Variants in KSR2 observed in about 807,000 individuals in gnomAD.
KSR2 encodes the protein kinase suppressor of ras 2.
KSR2 carries 25 observed loss-of-function variants against 107.8 expected under a neutral mutation model. The ratio of observed to expected loss-of-function variants is 0.23; its 90% CI spans 0.17 to 0.32. The LOEUF (loss-of-function observed/expected upper bound fraction) is 0.32. Among genes scored for constraint, KSR2 ranks in the 10% least tolerant of loss-of-function variants. The pLI, the probability that KSR2 is intolerant of heterozygous loss-of-function variation, is 1.00. For synonymous variants in KSR2, 480 were observed against 507.0 expected (o/e 0.95, Z 0.71); for missense variants, 887 against 1,268.9 (o/e 0.70, Z 4.57).
At chr12:117,769,673 C>G (rs563539150) in intron 3 of KSR2, among the ~76,000 whole-genome samples, 1 of 152,314 alleles carries the variant, frequency 6.6e-6, no homozygotes, top group East Asian at 1.9e-4. Flanking sequence ...AGTGTAAAAC[C>G]ATCTGTTTCA....
intron 1 of KSR2, among the ~76,000 whole-genome samples, chr12:117,867,197 T>C (rs952992488): frequency 2.6e-5 from 4 of 152,034 alleles, no homozygotes; most frequent in African/African-American, 7.2e-5. Context: ...GTGCCTGTGG[T>C]CCCAGATACT....
At chr12:117,584,208 G>T (rs1879859252) in intron 5 of KSR2, among the ~76,000 whole-genome samples, 1 of 152,132 alleles carries the variant, frequency 6.6e-6, no homozygotes, top group Non-Finnish European at 1.5e-5. Flanking sequence ...AAAACTAAAT[G>T]TCATCAACCT....
intron 1 of KSR2, among the ~76,000 whole-genome samples, chr12:117,964,000 C>T (rs561588199): frequency 6.6e-6 from 1 of 152,298 alleles, no homozygotes; most frequent in African/African-American, 2.4e-5. Flanking sequence ...CAGGAGAAAT[C>T]CTTGGGCCGG....
chr12:117,486,973 T>C (rs868707687), intron 14 of KSR2, among the ~76,000 whole-genome samples: 1 of 152,216 alleles, frequency 6.6e-6, no homozygotes, highest in Non-Finnish European at 1.5e-5. Context: ...ATCTGTCATT[T>C]AGTGGCTGTG....
At chr12:117,546,437 T>C (rs545193125) in intron 9 of KSR2, among the ~76,000 whole-genome samples, 2 of 152,366 alleles carry the variant, frequency 1.3e-5, no homozygotes, top group South Asian at 4.1e-4. Flanking sequence ...TGACATATCC[T>C]AGCATGGATT....
chr12:117,653,217 C>A (rs150995876), intron 5 of KSR2, among the ~76,000 whole-genome samples: 2 of 152,228 alleles, frequency 1.3e-5, no homozygotes, highest in Admixed American at 1.3e-4. Context: ...CAAGTGGTAA[C>A]TCCAACTGCA....
chr12:117,628,104 A>T (rs1882617261), intron 5 of KSR2, among the ~76,000 whole-genome samples: 1 of 152,142 alleles, frequency 6.6e-6, no homozygotes, highest in South Asian at 2.1e-4. Flanking sequence ...CCATTCATCT[A>T]ATCTTTTTTC....
rs368023182 is a variant in KSR2 at position 117,578,948 on chromosome 12, T to G, written c.1325+171A>C. 7.9e-5 allele frequency among the ~76,000 whole-genome samples: 12 copies of G among 152,328 alleles called. No individual in the cohort carries two copies. In the East Asian group the frequency reaches 1.7e-3, roughly 22 times the overall value. ...GGTTCTTATTCAGAATTGCTCTCCC[T>G]TGACCCCCTACCCAAACTTACAGGT... is the stretch of plus-strand genomic sequence containing the variant. On this transcript the variant is annotated intron_variant, in intron 7 of 19. Transcript: ENST00000339824.
At chr12:117,615,023 T>C (rs1881796684) in intron 5 of KSR2, among the ~76,000 whole-genome samples, 1 of 151,742 alleles carries the variant, frequency 6.6e-6, no homozygotes, top group African/African-American at 2.4e-5. Flanking sequence ...TAGGATGCCG[T>C]CCCTTCTCTT....
chr12:117,741,051 C>T (rs1166362687), intron 4 of KSR2, among the ~76,000 whole-genome samples: 1 of 152,130 alleles, frequency 6.6e-6, no homozygotes, highest in Non-Finnish European at 1.5e-5. Context: ...ACTTGACGGT[C>T]AAGGTTAAAG....
At chr12:117,620,150 G>C (rs551120041) in intron 5 of KSR2, among the ~76,000 whole-genome samples, 1 of 152,244 alleles carries the variant, frequency 6.6e-6, no homozygotes, top group South Asian at 2.1e-4. Context: ...GAGATTAAAA[G>C]ACTTGCCTGA....
intron 10 of KSR2, among the ~76,000 whole-genome samples, chr12:117,535,605 TGTGTGTG>T (rs1477967638): frequency 3.1e-4 from 1 of 3,264 alleles, no homozygotes; most frequent in Non-Finnish European, 5.7e-4. Flanking sequence ...TTCCTGGAGT[TGTGTGTG>T]TGTGTGTGTG....
rs1426621749 is a variant in KSR2, at chr12:117,932,638, C to T, written c.180+35438G>A. Among the ~76,000 whole-genome samples, 3 of 152,120 alleles carry T rather than the reference C, an allele frequency of 2.0e-5. No homozygotes were observed. In the East Asian group the frequency reaches 5.8e-4, roughly 29 times the overall value. On this transcript the variant is annotated intron_variant, in intron 1 of 19. Transcript: ENST00000339824. Reference sequence around the variant, plus strand: ...TCAGGAGGCTGAGGTGAGAGGATAACCTGAGCCCAGGAGGTCGAGGCTGCA... The same window carrying T: ...TCAGGAGGCTGAGGTGAGAGGATAATCTGAGCCCAGGAGGTCGAGGCTGCA...
intron 14 of KSR2, among the ~76,000 whole-genome samples, chr12:117,508,148 A>G (rs921088257): frequency 2.0e-5 from 3 of 152,204 alleles, no homozygotes; most frequent in East Asian, 3.8e-4. Context: ...TTATGTTTAT[A>G]TCAGGGAATG....
intron 3 of KSR2, among the ~76,000 whole-genome samples, chr12:117,832,514 A>G (rs536792940): frequency 6.6e-6 from 1 of 152,168 alleles, no homozygotes; most frequent in Non-Finnish European, 1.5e-5. Flanking sequence ...TATCTGCATC[A>G]CCTCACTGCG....
At chr12:117,655,036 C>T (rs11068602) in intron 5 of KSR2, among the ~76,000 whole-genome samples, 67,044 of 152,148 alleles carry the variant, frequency 0.44, 17,348 homozygotes, top group Non-Finnish European at 0.58. Context: ...ACACTGAGCC[C>T]TCGATATGTC....
rs1896244774 is a variant in KSR2 at position 117,947,830 on chromosome 12, T to C, written c.180+20246A>G. Among the ~76,000 whole-genome samples, 2 of 152,096 alleles carry C rather than the reference T, an allele frequency of 1.3e-5. 1 individual carries two copies. The highest frequency in any genetic ancestry group is 4.1e-4 in the South Asian group (2 of 4,834). The stretch of plus-strand genomic sequence containing the variant: ...AGTCTAACAAAACATATTAAGAATC[T>C]ATATGCTGAAAACTACAAAATGCTG... On this transcript the variant is annotated intron_variant, in intron 1 of 19. Transcript: ENST00000339824.
chr12:117,511,611 A>G (rs1452678282), intron 14 of KSR2, among the ~76,000 whole-genome samples: 1 of 152,226 alleles, frequency 6.6e-6, no homozygotes, highest in African/African-American at 2.4e-5. Context: ...ACGATTTTAA[A>G]AAGCAGTATC....
chr12:117,952,325 T>C (rs1308549011), intron 1 of KSR2, among the ~76,000 whole-genome samples: 1 of 152,160 alleles, frequency 6.6e-6, no homozygotes, highest in Admixed American at 6.6e-5. Context: ...TTGTTAAGTA[T>C]GCTTCAGAAA....
Sources: allele counts gnomAD v4.1 joint callset (sites outside exome capture counted in the v4.1 genomes callset), GRCh38; gene constraint gnomAD v4.1.1; transcripts MANE v1.5; gene names NCBI Gene and HGNC (gene_info 2026-07-23, HGNC 2026-07-21).